The following KCTD1 variants were observed in gnomAD, a reference collection of about 807,000 sequenced individuals.
The protein encoded by KCTD1 is potassium channel tetramerization domain containing 1, also known as BTB/POZ domain-containing protein KCTD1.
Under a neutral mutation model 66.0 loss-of-function variants are expected in KCTD1, and 24 were observed. The ratio of observed to expected loss-of-function variants is 0.36; its 90% CI spans 0.26 to 0.51. The LOEUF is 0.51. Ranked by LOEUF, KCTD1 falls within the 20% of genes least tolerant of loss-of-function variation. The pLI, the probability that KCTD1 is intolerant of heterozygous loss-of-function variation, is 0.95. For missense variants in KCTD1, 943 were observed against 1,205.2 expected (o/e 0.78, Z 3.22); for synonymous variants, 511 against 517.2 (o/e 0.99, Z 0.16).
In KCTD1 at chr18:26,570,191, A is replaced by AAAAAAAT. The variant is rs776923644; in HGVS notation, c.-16+58955_-16+58956insATTTTTT. Among the ~76,000 whole-genome samples, 248 of 132,536 alleles carry AAAAAAAT rather than the reference A, an allele frequency of 1.9e-3. 2 individuals carry two copies. The highest frequency in any genetic ancestry group is 6.0e-3 in the African/African-American group (226 of 37,654). 86.9% of individuals were successfully genotyped at this position (132,536 alleles called of 152,430 possible). ...ACAGAGCAAGACTCCATCTAAAAAAAATATATATATATATATATATATATG... is the reference window on the plus strand; with the variant it reads ...ACAGAGCAAGACTCCATCTAAAAAAAAAAAAATATATATATATATATATATATATATG... On this transcript the variant is annotated intron_variant, in intron 1 of 4. Transcript: ENST00000317932.
chr18:26,575,201 C>T (rs1986196673), intron 1 of KCTD1: 1 of 152,152 alleles, frequency 6.6e-6, no homozygotes, highest in South Asian at 2.1e-4. Flanking sequence ...ATTCCAGACA[C>T]ATTGACTTTC....
chr18:26,654,021 T>C (rs1387982523), intron 1 of KCTD1, among the ~76,000 whole-genome samples: 1 of 152,218 alleles, frequency 6.6e-6, no homozygotes, highest in East Asian at 1.9e-4. Context: ...CAAACATCAT[T>C]TGAATGACTC....
At chr18:26,641,300 C>T (rs537796708), upstream of KCTD1, among the ~76,000 whole-genome samples, 1 of 152,306 alleles carries the variant, frequency 6.6e-6, no homozygotes, top group Admixed American at 6.5e-5. Context: ...GCCTCAGAAC[C>T]AGGTGCTGAT....
intron 1 of KCTD1, among the ~76,000 whole-genome samples, chr18:26,540,483 T>C (rs1984925438): frequency 6.6e-6 from 1 of 152,156 alleles, no homozygotes; most frequent in Non-Finnish European, 1.5e-5. Flanking sequence ...CGAGTGTTTT[T>C]CAATGAAAGT....
intron 1 of KCTD1, among the ~76,000 whole-genome samples, chr18:26,571,893 A>G (rs1430390793): frequency 6.6e-6 from 1 of 152,168 alleles, no homozygotes; most frequent in African/African-American, 2.4e-5. Context: ...AGACAATGGT[A>G]TGAAGTGTTT....
intron 1 of KCTD1, among the ~76,000 whole-genome samples, chr18:26,638,851 G>T (rs559942669): frequency 2.8e-4 from 42 of 152,160 alleles, no homozygotes; most frequent in Middle Eastern, 3.2e-3. Flanking sequence ...TAAAAATGTT[G>T]CTTTTATCAT....
At chr18:26,492,376 A>G (rs1982247067) in intron 2 of KCTD1, among the ~76,000 whole-genome samples, 2 of 152,008 alleles carry the variant, frequency 1.3e-5, no homozygotes, top group African/African-American at 2.4e-5. Context: ...GCTCATGCCT[A>G]TAATCCCAGC....
chr18:26,514,549 CAAAAAAA>C (rs200444964), intron 1 of KCTD1, among the ~76,000 whole-genome samples: 8,839 of 121,720 alleles, frequency 0.073, 280 homozygotes, highest in Middle Eastern at 0.14. Context: ...GACCTTGTCT[CAAAAAAA>C]AAAAAAAAAA....
intron 1 of KCTD1, among the ~76,000 whole-genome samples, chr18:26,568,300 C>T (rs1288015607): frequency 6.6e-6 from 1 of 152,080 alleles, no homozygotes; most frequent in East Asian, 1.9e-4. Flanking sequence ...TGAAGTGTCA[C>T]TCCTAGCTCA....
rs377742457 is a variant in KCTD1 at position 26,600,307 on chromosome 18, G to T, written c.-16+28840C>A. On this transcript the variant is annotated intron_variant, in intron 1 of 4. Transcript: ENST00000317932. ...GCCAGCCTTCAAACCTGGGGAAAAGGCACTTCTGAGCAATAGCAATCTTCA... is the reference window on the plus strand; with the variant it reads ...GCCAGCCTTCAAACCTGGGGAAAAGTCACTTCTGAGCAATAGCAATCTTCA... The T allele has an allele frequency of 2.1e-3, 3,268 of 1,585,290 alleles. 92 individuals are homozygous for T. In the South Asian group the frequency reaches 0.034, roughly 17 times the overall value.
chr18:26,546,024 A>AG (rs933088969), intron 1 of KCTD1, among the ~76,000 whole-genome samples: 3 of 152,006 alleles, frequency 2.0e-5, no homozygotes, highest in African/African-American at 7.2e-5. Flanking sequence ...GGCTAGGGGG[A>AG]GACAGCAATG....
chr18:26,547,308 C>G lies in KCTD1; in HGVS notation c.1229G>C (p.Arg410Pro). The change falls in exon 1 of 5, where the codon CGG becomes CCG. Residue 410 changes from arginine (R) to proline (P), a missense_variant. Arg to Pro is a moderately radical substitution (Grantham distance 103). Transcript: ENST00000580059. ...PLCKAFFQRP[R>P]DHCSEGDVTW... is the part of the protein sequence containing the mutation. ...CACATCGCCCTCGCTGCAGTGGTCCCGGGGCCGCTGGAAGAACGCCTTGCA... is the reference window on the plus strand; with the variant it reads ...CACATCGCCCTCGCTGCAGTGGTCCGGGGGCCGCTGGAAGAACGCCTTGCA... 1 of 1,551,626 alleles carries G rather than the reference C, an allele frequency of 6.4e-7. No individual in the cohort carries two copies. Among genetic ancestry groups the G allele is most frequent in the Middle Eastern group, 1.7e-4 (1 of 5,990 alleles).
intron 1 of KCTD1, among the ~76,000 whole-genome samples, chr18:26,518,424 C>G (rs1022858354): frequency 1.3e-5 from 2 of 152,034 alleles, no homozygotes; most frequent in African/African-American, 2.4e-5. Flanking sequence ...CACCACCATG[C>G]CTGGCTAAAT....
chr18:26,460,607 G>A (rs1980370018), intron 3 of KCTD1, among the ~76,000 whole-genome samples: 1 of 152,204 alleles, frequency 6.6e-6, no homozygotes, highest in Admixed American at 6.5e-5. Flanking sequence ...ACCTGATGGA[G>A]CTGCCATCAT....
chr18:26,571,552 A>G (rs938214193), intron 1 of KCTD1, among the ~76,000 whole-genome samples: 2 of 152,188 alleles, frequency 1.3e-5, no homozygotes, highest in Admixed American at 6.5e-5. Flanking sequence ...TACTTATAAT[A>G]CCTAATACAA....
At chr18:26,549,744 C>G (rs1321821785), upstream of KCTD1, 1 of 985,306 alleles carries the variant, frequency 1.0e-6, no homozygotes, top group East Asian at 1.1e-4. Flanking sequence ...GTTTGCCAAC[C>G]GCCATTCGTT....
intron 1 of KCTD1, among the ~76,000 whole-genome samples, chr18:26,645,653 C>T (rs1364274356): frequency 6.6e-6 from 1 of 152,168 alleles, no homozygotes. Context: ...CCACCTTGGC[C>T]TCCTAAAGTG....
chr18:26,459,436 C>T, intron 4 of KCTD1, 184 bp downstream of exon 4: 1 of 603,084 alleles, frequency 1.7e-6, no homozygotes, highest in Non-Finnish European at 2.8e-6. Context: ...CTCATCCCAG[C>T]ACCTGGCACA....
Position 26,599,498 on chromosome 18 carries a change from G to A in KCTD1, c.-16+29649C>T, listed in dbSNP as rs1416049964. The stretch of plus-strand genomic sequence containing the variant: ...AGGCTCTGAAAGGTCTGGTGGATGA[G>A]CTTCAAGGTTAACTGGCAATGAGGG... On this transcript the variant is annotated intron_variant, in intron 1 of 4. Transcript: ENST00000317932. The A allele has an allele frequency of 7.5e-6, 12 of 1,602,148 alleles. No individual in the cohort carries two copies. The Admixed American group carries it at 8.3e-5, about 11-fold the overall frequency.
Sources: allele counts gnomAD v4.1 joint callset (sites outside exome capture counted in the v4.1 genomes callset), GRCh38; gene constraint gnomAD v4.1.1; transcripts MANE v1.5; gene names NCBI Gene and HGNC (gene_info 2026-07-23, HGNC 2026-07-21).